PCDHGB4: variants seen among roughly 807,000 people sequenced by gnomAD.
PCDHGB4 encodes the protein protocadherin gamma subfamily B, 4, also known as protocadherin gamma-B4.
Under a neutral mutation model 60.5 loss-of-function variants are expected in PCDHGB4, and 38 were observed. The ratio of observed to expected loss-of-function variants is 0.63; its 90% CI spans 0.48 to 0.82. The LOEUF is 0.82. Ranked by LOEUF, PCDHGB4 falls within the 40% of genes least tolerant of loss-of-function variation. The probability of loss-of-function intolerance (pLI) is 0.00; values close to 1 mark genes in which losing one functional copy is unlikely to be tolerated. For synonymous variants in PCDHGB4, 456 were observed against 509.7 expected (o/e 0.89, Z 1.42); for missense variants, 1,109 against 1,209.6 (o/e 0.92, Z 1.23).
intron 2 of PCDHGB4, among the ~76,000 whole-genome samples, chr5:141,504,479 G>T (rs1270717855): frequency 6.6e-6 from 1 of 152,100 alleles, no homozygotes; most frequent in African/African-American, 2.4e-5. Context: ...TGGGAGTACA[G>T]TGGAGGCACC....
In PCDHGB4 at chr5:141,487,107, T is replaced by C. The variant is rs1193091014; in HGVS notation, c.2398-7700T>C. 6.2e-7 allele frequency: 1 copy of C among 1,613,926 alleles called. No individual in the cohort carries two copies. The highest frequency in any genetic ancestry group is 8.5e-7 in the Non-Finnish European group (1 of 1,179,782). On this transcript the variant is annotated intron_variant, in intron 1 of 3. Transcript: ENST00000519479. This position sits in a 1 kb window ranked among gnomAD's most constrained non-coding sequence, Gnocchi z 5.0. ...GACCTCCCACCACAGAAGCTGGTCA[T>C]TGTGGTAAAGGATAGTGGTAGTCCA...
intron 1 of PCDHGB4, among the ~76,000 whole-genome samples, chr5:141,451,001 A>AT (rs1164946963): frequency 2.0e-5 from 3 of 148,376 alleles, no homozygotes; most frequent in South Asian, 2.1e-4. Context: ...ATTTTTTTGT[A>AT]TTTTTTTTAG....
chr5:141,433,374 T>A (rs948922353), intron 1 of PCDHGB4, among the ~76,000 whole-genome samples: 36 of 150,958 alleles, frequency 2.4e-4, no homozygotes, highest in African/African-American at 8.6e-4. Flanking sequence ...TATCTATCTA[T>A]CTATCTATCT....
At chr5:141,464,995 G>A (rs1330469198) in intron 1 of PCDHGB4, among the ~76,000 whole-genome samples, 1 of 151,962 alleles carries the variant, frequency 6.6e-6, no homozygotes, top group East Asian at 1.9e-4. Context: ...TCCCACCTCA[G>A]CCTCCCAAAG....
In PCDHGB4 at chr5:141,471,825, A is replaced by G. The variant is rs150400990; in HGVS notation, c.2398-22982A>G. Among the ~76,000 whole-genome samples, 61 of 152,344 alleles carry G rather than the reference A, an allele frequency of 4.0e-4. No individual in the cohort carries two copies. In the East Asian group the frequency reaches 0.011, roughly 27 times the overall value. ...ACATATAAAAGACTACCTATTTTAT[A>G]ATTCCTTTTTAATAAAATATTCAGA... On this transcript the variant is annotated intron_variant, in intron 1 of 3. Coordinates refer to ENST00000519479, the MANE Select transcript of PCDHGB4 (RefSeq NM_003736.4).
chr5:141,482,383 G>A (rs1594230401), intron 1 of PCDHGB4, among the ~76,000 whole-genome samples: 2 of 152,240 alleles, frequency 1.3e-5, no homozygotes, highest in East Asian at 3.9e-4. Context: ...TAAAGTCCCT[G>A]TATGGAGCAA....
intron 1 of PCDHGB4, chr5:141,393,821 G>A: frequency 6.2e-7 from 1 of 1,613,734 alleles, no homozygotes; most frequent in South Asian, 1.1e-5. Context: ...TGCTCATTTC[G>A]GTGGAAGATG....
At chr5:141,408,969 C>G (rs1005367761) in intron 1 of PCDHGB4, 1 of 1,613,594 alleles carries the variant, frequency 6.2e-7, no homozygotes, top group African/African-American at 1.3e-5. Flanking sequence ...GAAAATCTGC[C>G]CCCTGGGTCC....
chr5:141,404,909 C>G, intron 1 of PCDHGB4: 1 of 1,613,916 alleles, frequency 6.2e-7, no homozygotes, highest in Non-Finnish European at 8.5e-7. Flanking sequence ...TGGCCAGCCC[C>G]CTCTCTCGGC....
intron 1 of PCDHGB4, chr5:141,478,342 G>T (rs1489278202): frequency 6.2e-7 from 1 of 1,613,862 alleles, no homozygotes; most frequent in Non-Finnish European, 8.5e-7. Flanking sequence ...GGCCCTCCTT[G>T]CACGCGGACG....
At chr5:141,504,135 C>G (rs758903340) in intron 2 of PCDHGB4, among the ~76,000 whole-genome samples, 215 of 152,306 alleles carry the variant, frequency 1.4e-3, no homozygotes, top group Middle Eastern at 3.4e-3. Context: ...CCCGCCAACA[C>G]TCCCCTGCAA....
chr5:141,462,253 A>C (rs7717600), intron 1 of PCDHGB4, among the ~76,000 whole-genome samples: 42,489 of 152,124 alleles, frequency 0.28, 6,669 homozygotes, highest in African/African-American at 0.43. Context: ...AGCCACCATG[A>C]CCAGCCTAAA....
rs2091113162 is a variant in PCDHGB4, at chr5:141,387,830, TTA to T, written c.-53_-52del. 1 of 1,590,004 alleles carries T rather than the reference TTA, an allele frequency of 6.3e-7. No homozygotes were observed. The highest frequency in any genetic ancestry group is 1.3e-5 in the African/African-American group (1 of 74,248). Reference sequence around the variant, plus strand: ...GATCCAAAAATCTGCAATACAGAGGTTATTTGTAACCCGGCGTCTCCAGGCTG... The same window carrying T: ...GATCCAAAAATCTGCAATACAGAGGTTTTGTAACCCGGCGTCTCCAGGCTG... On this transcript the variant is annotated 5_prime_UTR_variant, in exon 1 of 4. Coordinates refer to ENST00000519479, the MANE Select transcript of PCDHGB4 (RefSeq NM_003736.4).
At chr5:141,415,083 G>T (rs747351388) in intron 1 of PCDHGB4, 1 of 1,613,514 alleles carries the variant, frequency 6.2e-7, no homozygotes. Context: ...CGCGAGCCCT[G>T]CTGGACAGAG....
At chr5:141,505,336 G>A in intron 2 of PCDHGB4, 57 bp from the exon 3 acceptor site, 2 of 1,611,374 alleles carry the variant, frequency 1.2e-6, no homozygotes, top group South Asian at 1.1e-5. Flanking sequence ...GAGGACAGGA[G>A]GGGCATGAGC....
intron 1 of PCDHGB4, chr5:141,393,547 C>T (rs761723933): frequency 4.3e-6 from 7 of 1,613,938 alleles, no homozygotes; most frequent in South Asian, 1.1e-5. Flanking sequence ...TTTCCTCACC[C>T]GATTTACCGA....
At chr5:141,478,279 G>A (rs2099443292) in intron 1 of PCDHGB4, 1 of 1,614,202 alleles carries the variant, frequency 6.2e-7, no homozygotes, top group Middle Eastern at 1.6e-4. Context: ...ACAAGTGGAA[G>A]CAGTCTAGAG....
In PCDHGB4 at chr5:141,487,218, C is replaced by G. The variant is rs2099641338; in HGVS notation, c.2398-7589C>G. The stretch of plus-strand genomic sequence containing the variant: ...CCAGATCTTCGAGAATCTTCAGCTC[C>G]AAGGGAAGGAGAATCTCGTCTAACC... On this transcript the variant is annotated intron_variant, in intron 1 of 3. Transcript: ENST00000519479. The surrounding 1 kb of genome is among the most constrained non-coding windows in gnomAD (Gnocchi z 5.0). 1 of 1,613,820 alleles carries G rather than the reference C, an allele frequency of 6.2e-7. No homozygotes were observed. The highest frequency in any genetic ancestry group is 1.1e-5 in the South Asian group (1 of 91,078).
At chr5:141,417,851 G>A (rs1196210157) in intron 1 of PCDHGB4, 1 of 1,543,512 alleles carries the variant, frequency 6.5e-7, no homozygotes, top group Non-Finnish European at 8.8e-7. Flanking sequence ...GCGAGAACCC[G>A]AGCGAACGAT....
Sources: gnomAD v4.1 joint callset for allele counts (sites outside exome capture counted in the v4.1 genomes callset) on GRCh38, gnomAD v4.1.1 for gene constraint, Gnocchi (gnomAD v3.1) non-coding constraint, MANE v1.5 for transcripts, NCBI Gene and HGNC (gene_info 2026-07-23, HGNC 2026-07-21) for gene names.